Variants in PTPRD observed in about 807,000 individuals in gnomAD.
PTPRD encodes the protein receptor-type tyrosine-protein phosphatase delta.
Under a neutral mutation model 214.5 loss-of-function variants are expected in PTPRD, and 34 were observed. That is an observed-to-expected ratio of 0.16 (90% CI 0.12 to 0.21). PTPRD has a LOEUF of 0.21. Ranked by LOEUF, PTPRD falls within the 10% of genes least tolerant of loss-of-function variation. The probability of loss-of-function intolerance (pLI) is 1.00; values close to 1 mark genes in which losing one functional copy is unlikely to be tolerated. For synonymous variants in PTPRD, 1,128 were observed against 845.7 expected (o/e 1.33, Z -5.79); for missense variants, 2,545 against 2,398.7 (o/e 1.06, Z -1.27).
intron 10 of PTPRD, among the ~76,000 whole-genome samples, chr9:9,180,574 G>T (rs1040829407): frequency 6.6e-6 from 1 of 151,958 alleles, no homozygotes; most frequent in African/African-American, 2.4e-5. Context: ...TTGTGCACAT[G>T]TACTCTAAAA....
intron 4 of PTPRD, among the ~76,000 whole-genome samples, chr9:9,978,442 G>A (rs980947193): frequency 2.0e-5 from 3 of 151,838 alleles, no homozygotes; most frequent in Non-Finnish European, 4.4e-5. Context: ...ATAAGTACTC[G>A]GACTTCATCT....
intron 33 of PTPRD, among the ~76,000 whole-genome samples, chr9:8,459,264 ACT>A (rs2096307649): frequency 6.6e-6 from 1 of 151,956 alleles, no homozygotes; most frequent in South Asian, 2.1e-4. Context: ...AAATGAAGAT[ACT>A]CTTTTTAGAT....
At chr9:9,336,854 T>A (rs1169748822) in intron 9 of PTPRD, among the ~76,000 whole-genome samples, 1 of 152,138 alleles carries the variant, frequency 6.6e-6, no homozygotes. Flanking sequence ...TTTATATGAG[T>A]AAGACATTTT....
At chr9:8,913,002 GAA>G (rs947138589) in intron 11 of PTPRD, among the ~76,000 whole-genome samples, 1 of 152,000 alleles carries the variant, frequency 6.6e-6, no homozygotes, top group African/African-American at 2.4e-5. Flanking sequence ...AATCTATTTT[GAA>G]AAGTCTTTTA....
At chr9:9,988,325 G>C (rs7037146) in intron 4 of PTPRD, among the ~76,000 whole-genome samples, 2,768 of 152,138 alleles carry the variant, frequency 0.018, 103 homozygotes, top group African/African-American at 0.063. Context: ...TTAGTGTTTT[G>C]TTTTCTCTAT....
chr9:8,780,838 C>T (rs1477833016), intron 11 of PTPRD, among the ~76,000 whole-genome samples: 4 of 152,152 alleles, frequency 2.6e-5, no homozygotes, highest in African/African-American at 9.7e-5. Flanking sequence ...AAAATAATCT[C>T]GGAAGTGGTT....
intron 7 of PTPRD, among the ~76,000 whole-genome samples, chr9:9,589,717 C>T (rs1042568746): frequency 3.3e-5 from 5 of 151,284 alleles, no homozygotes; most frequent in Admixed American, 6.6e-5. Flanking sequence ...TAGAGCTTTA[C>T]AAAAGAAAAA....
At chr9:10,398,731 A>C (rs1175194900) in intron 2 of PTPRD, among the ~76,000 whole-genome samples, 3 of 152,028 alleles carry the variant, frequency 2.0e-5, no homozygotes, top group Non-Finnish European at 4.4e-5. Flanking sequence ...TGATGATAAA[A>C]ATGGCGGCCA....
intron 14 of PTPRD, among the ~76,000 whole-genome samples, chr9:8,563,698 G>A (rs1057097084): frequency 1.3e-5 from 2 of 152,062 alleles, no homozygotes; most frequent in African/African-American, 4.8e-5. Flanking sequence ...GCCTCCCTCT[G>A]TCACCCAGGC....
intron 2 of PTPRD, among the ~76,000 whole-genome samples, chr9:10,409,729 T>C (rs934829616): frequency 2.0e-5 from 3 of 151,786 alleles, no homozygotes; most frequent in Admixed American, 2.0e-4. Flanking sequence ...TTCTAATAAA[T>C]ACAAATAGTG....
At chr9:9,806,350 G>A (rs892139473) in intron 5 of PTPRD, among the ~76,000 whole-genome samples, 1 of 151,958 alleles carries the variant, frequency 6.6e-6, no homozygotes, top group Non-Finnish European at 1.5e-5. Context: ...TGAGCTGGCC[G>A]CACCATCGTC....
intron 3 of PTPRD, among the ~76,000 whole-genome samples, chr9:10,234,100 A>G (rs1415133205): frequency 6.6e-6 from 1 of 151,798 alleles, no homozygotes; most frequent in African/African-American, 2.4e-5. Context: ...TAATAATACA[A>G]AAAATTAGCC....
chr9:9,545,317 C>T (rs1050393631), intron 8 of PTPRD, among the ~76,000 whole-genome samples: 3 of 151,794 alleles, frequency 2.0e-5, no homozygotes, highest in Admixed American at 1.3e-4. Flanking sequence ...CCCTCCCTTT[C>T]TCTAACCCCT....
intron 33 of PTPRD, among the ~76,000 whole-genome samples, chr9:8,455,519 G>C (rs1423603205): frequency 3.9e-5 from 6 of 152,110 alleles, no homozygotes; most frequent in Admixed American, 1.3e-4. Flanking sequence ...GCAAAATAAA[G>C]GTACTAAGTT....
intron 2 of PTPRD, among the ~76,000 whole-genome samples, chr9:10,606,533 C>CT (rs34402701): frequency 0.34 from 48,256 of 143,326 alleles, 8,347 homozygotes; most frequent in East Asian, 0.54. Flanking sequence ...TCTTTATTTT[C>CT]TTTTTTTTTT....
chr9:10,022,659 A>G (rs1169895819), intron 4 of PTPRD, among the ~76,000 whole-genome samples: 1 of 151,966 alleles, frequency 6.6e-6, no homozygotes, highest in Non-Finnish European at 1.5e-5. Context: ...AAACTATAGG[A>G]AAAAAATCAT....
At chr9:8,446,473 T>C (rs575030450) in intron 34 of PTPRD, among the ~76,000 whole-genome samples, 18 of 152,370 alleles carry the variant, frequency 1.2e-4, no homozygotes, top group Admixed American at 1.2e-3. Context: ...GTTTGTTTGC[T>C]ATTTTATCAT....
chr9:9,122,898 G>C (rs1308301144), intron 10 of PTPRD, among the ~76,000 whole-genome samples: 1 of 151,992 alleles, frequency 6.6e-6, no homozygotes, highest in African/African-American at 2.4e-5. Context: ...GTACAAAAAG[G>C]GTAACCTACC....
intron 13 of PTPRD, 133 bp downstream of exon 13, chr9:8,636,566 C>G: frequency 8.8e-7 from 1 of 1,141,660 alleles, no homozygotes; most frequent in Non-Finnish European, 1.2e-6. Context: ...TTACATTTTC[C>G]ATCACTTGCA....
Sources: gnomAD v4.1 joint callset for allele counts (sites outside exome capture counted in the v4.1 genomes callset) on GRCh38, gnomAD v4.1.1 for gene constraint, MANE v1.5 for transcripts, NCBI Gene and HGNC (gene_info 2026-07-23, HGNC 2026-07-21) for gene names.